The following ARAP2 variants were observed in gnomAD, a reference collection of about 807,000 sequenced individuals.
ARAP2 encodes ArfGAP with RhoGAP domain, ankyrin repeat and PH domain 2.
In ARAP2, 148 loss-of-function variants were observed where a neutral mutation model predicts 194.5. That is an observed-to-expected ratio of 0.76 (90% CI 0.67 to 0.87). ARAP2 has a LOEUF of 0.87. ARAP2 is among the 40% of genes least tolerant of loss of function. ARAP2 has a pLI of 0.00. For synonymous variants in ARAP2, 695 were observed against 683.5 expected (o/e 1.02, Z -0.26); for missense variants, 2,128 against 1,989.7 (o/e 1.07, Z -1.32).
intron 25 of ARAP2, 105 bp downstream of exon 25, chr4:36,116,956 G>A: frequency 1.6e-6 from 1 of 629,696 alleles, no homozygotes. Context: ...CGTTTGAACT[G>A]GAGAGGTAAT....
intron 15 of ARAP2, 140 bp downstream of exon 15, chr4:36,158,587 TAGA>T (rs1266850360): frequency 1.4e-6 from 1 of 707,816 alleles, no homozygotes; most frequent in Non-Finnish European, 2.3e-6. Context: ...TATTTGCACC[TAGA>T]AGCATTTATA....
chr4:36,012,103 T>C (rs1714683205), intron 9 of ARAP2, among the ~76,000 whole-genome samples: 1 of 152,210 alleles, frequency 6.6e-6, no homozygotes, highest in Non-Finnish European at 1.5e-5. Flanking sequence ...TTTGAAACTT[T>C]TAGAATGTGT....
chr4:36,053,280 A>G (rs1427854560), intron 2 of ARAP2, among the ~76,000 whole-genome samples: 1 of 152,088 alleles, frequency 6.6e-6, no homozygotes, highest in African/African-American at 2.4e-5. Flanking sequence ...TTGGAATTAC[A>G]GGCATGAGCC....
intron 23 of ARAP2, 75 bp downstream of exon 23, chr4:36,121,104 C>T (rs1032501509): frequency 1.1e-5 from 13 of 1,133,714 alleles, no homozygotes; most frequent in South Asian, 8.4e-5. Context: ...ATAATAACAC[C>T]CTACAACATA....
chr4:36,195,059 G>A (rs1742782691), intron 6 of ARAP2, among the ~76,000 whole-genome samples: 1 of 151,700 alleles, frequency 6.6e-6, no homozygotes, highest in Non-Finnish European at 1.5e-5. Context: ...CAAGCTATTT[G>A]GAAGGCTCAG....
chr4:36,161,389 A>C, intron 12 of ARAP2, 76 bp downstream of exon 12: 1 of 1,244,640 alleles, frequency 8.0e-7, no homozygotes, highest in Non-Finnish European at 1.2e-6. Flanking sequence ...TGCCACCCAA[A>C]CCCACAGCAA....
At position 36,229,252 on chromosome 4, in the gene ARAP2, T is replaced by C. The variant is rs542568698; in HGVS notation, c.235A>G (p.Asn79Asp). Residue 79 changes from asparagine to aspartate, a missense_variant, in exon 2 of 33, where the codon AAT becomes GAT. By Grantham distance (23) the Asn-to-Asp change is conservative. Transcript: ENST00000303965. ...SKMQDIPIYA[N>D]VHKTKKNDDP... ...TCATTCTTCTTAGTTTTATGAACATTTGCATATATTGGAATATCTTGCATT... is the reference window on the plus strand; with the variant it reads ...TCATTCTTCTTAGTTTTATGAACATCTGCATATATTGGAATATCTTGCATT... 5.5e-5 allele frequency: 88 copies of C among 1,614,066 alleles called. No homozygotes were observed. Among genetic ancestry groups the C allele is most frequent in the African/African-American group, 9.3e-5 (7 of 75,052 alleles).
intron 9 of ARAP2, among the ~76,000 whole-genome samples, chr4:36,171,502 A>G (rs1578160497): frequency 1.3e-5 from 2 of 150,794 alleles, no homozygotes; most frequent in South Asian, 4.2e-4. Context: ...GGGGAACATC[A>G]CACTCTGGGG....
chr4:36,071,693 ATTT>A (rs55918222), intron 32 of ARAP2, among the ~76,000 whole-genome samples: 1 of 147,130 alleles, frequency 6.8e-6, no homozygotes, highest in South Asian at 2.1e-4. Context: ...TTTTTTTTTA[ATTT>A]TTTTTCTTTT....
intron 28 of ARAP2, among the ~76,000 whole-genome samples, chr4:36,087,652 G>A (rs1238182105): frequency 6.6e-6 from 1 of 152,018 alleles, no homozygotes; most frequent in Admixed American, 6.6e-5. Flanking sequence ...AGCCTTCCCT[G>A]TGGCAGATAT....
chr4:36,204,778 C>T (rs1303783196), intron 6 of ARAP2, among the ~76,000 whole-genome samples: 1 of 151,792 alleles, frequency 6.6e-6, no homozygotes, highest in African/African-American at 2.4e-5. Context: ...ATCACGAGGT[C>T]AGGAGTTCAA....
intron 1 of ARAP2, among the ~76,000 whole-genome samples, chr4:36,060,767 C>G (rs1330027941): frequency 6.6e-6 from 1 of 152,152 alleles, no homozygotes; most frequent in South Asian, 2.1e-4. Context: ...TGTTTCCTCA[C>G]GTGGCCTTTC....
In ARAP2 at chr4:36,228,683, C is replaced by G. The variant is rs780823177; in HGVS notation, c.804G>C (p.Val268=). The change falls in exon 2 of 33, where the codon GTG becomes GTC. Residue 268 remains valine (V), a synonymous_variant. Transcript: ENST00000303965. ...YVPSSPILAP[V]RSRSKLVSRP... ...TTGAAACCAACTTGCTACGACTTCT[C>G]ACAGGTGCTAGGATTGGTGATGATG... is the stretch of plus-strand genomic sequence containing the variant. 1.2e-6 allele frequency: 2 copies of G among 1,614,032 alleles called. No individual in the cohort carries two copies. Among genetic ancestry groups the G allele is most frequent in the East Asian group, 2.2e-5 (1 of 44,870 alleles).
chr4:36,119,837 C>T (rs1262757619), intron 23 of ARAP2, 119 bp from the exon 24 acceptor site: 2 of 639,840 alleles, frequency 3.1e-6, no homozygotes, highest in Admixed American at 5.5e-5. Flanking sequence ...ATGAGAATGG[C>T]CATCGGAATC....
At chr4:36,039,186 C>T (rs951325634) in intron 5 of ARAP2, among the ~76,000 whole-genome samples, 11 of 152,284 alleles carry the variant, frequency 7.2e-5, no homozygotes, top group Admixed American at 2.6e-4. Context: ...GCTCTGCCTC[C>T]CTCTGGAAGC....
At chr4:36,082,117 C>A (rs1325491121) in intron 30 of ARAP2, 134 bp downstream of exon 30, 1 of 793,160 alleles carries the variant, frequency 1.3e-6, no homozygotes, top group African/African-American at 1.8e-5. Flanking sequence ...GGCTCAAAGT[C>A]TTTACAAACA....
chr4:36,160,029 G>T, intron 13 of ARAP2: 1 of 922,572 alleles, frequency 1.1e-6, no homozygotes, highest in African/African-American at 1.8e-5. Flanking sequence ...TGAGAAGGCG[G>T]CAATAAAAAA....
chr4:36,072,517 G>T (rs543916863), intron 32 of ARAP2, among the ~76,000 whole-genome samples: 87 of 151,984 alleles, frequency 5.7e-4, no homozygotes, highest in Non-Finnish European at 9.0e-4. Flanking sequence ...AGGTTCTACA[G>T]TCACTGTAGG....
At chr4:36,198,460 GC>G (rs1408417942) in intron 6 of ARAP2, among the ~76,000 whole-genome samples, 3 of 152,198 alleles carry the variant, frequency 2.0e-5, no homozygotes, top group Non-Finnish European at 4.4e-5. Flanking sequence ...GCCCCCTTCT[GC>G]CCATGGCCCA....
Sources: gnomAD v4.1 joint callset for allele counts (sites outside exome capture counted in the v4.1 genomes callset) on GRCh38, gnomAD v4.1.1 for gene constraint, MANE v1.5 for transcripts, NCBI Gene and HGNC (gene_info 2026-07-23, HGNC 2026-07-21) for gene names.